The following DLGAP2 variants were observed in gnomAD, a reference collection of about 807,000 sequenced individuals.
DLGAP2 encodes the protein disks large-associated protein 2.
In DLGAP2, 26 loss-of-function variants were observed where a neutral mutation model predicts 100.3. The observed-to-expected ratio is 0.26, with a 90% confidence interval of 0.19 to 0.36. DLGAP2 has a LOEUF of 0.36. DLGAP2 is among the 10% of genes least tolerant of loss of function. The pLI is 1.00. For missense variants in DLGAP2, 1,858 were observed against 1,453.2 expected (o/e 1.28, Z -4.53); for synonymous variants, 886 against 630.1 (o/e 1.41, Z -6.08).
At chr8:1,157,687 TAATA>T (rs1796817270) in intron 2 of DLGAP2, among the ~76,000 whole-genome samples, 1 of 152,130 alleles carries the variant, frequency 6.6e-6, no homozygotes, top group African/African-American at 2.4e-5. Flanking sequence ...ATACAAATAA[TAATA>T]GGCTCTTAAT....
intron 2 of DLGAP2, among the ~76,000 whole-genome samples, chr8:1,170,376 A>G (rs1411052723): frequency 6.6e-6 from 1 of 152,140 alleles, no homozygotes; most frequent in African/African-American, 2.4e-5. Flanking sequence ...AGGCTTTGGT[A>G]TCAGGATGAT....
chr8:1,500,492 G>A (rs952962918), intron 3 of DLGAP2, among the ~76,000 whole-genome samples: 13 of 151,726 alleles, frequency 8.6e-5, no homozygotes, highest in African/African-American at 3.2e-4. Context: ...ATCCAGCTGT[G>A]TCTGCACTGC....
chr8:1,213,709 C>T (rs1386212801), intron 2 of DLGAP2, among the ~76,000 whole-genome samples: 2 of 152,158 alleles, frequency 1.3e-5, no homozygotes, highest in East Asian at 1.9e-4. Flanking sequence ...TATCCAAGGG[C>T]CCTCTCCCAT....
At chr8:1,291,502 G>T (rs796397122) in intron 3 of DLGAP2, among the ~76,000 whole-genome samples, 1 of 152,154 alleles carries the variant, frequency 6.6e-6, no homozygotes, top group African/African-American at 2.4e-5. Context: ...CATATTTCCC[G>T]TGTGGAGGAG....
At chr8:1,005,686 C>G (rs964145242) in intron 2 of DLGAP2, among the ~76,000 whole-genome samples, 1 of 151,810 alleles carries the variant, frequency 6.6e-6, no homozygotes, top group African/African-American at 2.4e-5. Flanking sequence ...TCCCAAAGTG[C>G]TGGTATTACA....
At chr8:1,553,835 C>T (rs534430515) in intron 5 of DLGAP2, among the ~76,000 whole-genome samples, 14 of 152,310 alleles carry the variant, frequency 9.2e-5, no homozygotes, top group Admixed American at 9.1e-4. Context: ...TCAGCTACTG[C>T]ATTTGTGAGG....
At chr8:1,000,742 C>G (rs534534177) in intron 2 of DLGAP2, among the ~76,000 whole-genome samples, 1 of 152,144 alleles carries the variant, frequency 6.6e-6, no homozygotes, top group East Asian at 1.9e-4. Context: ...TACTCAACGT[C>G]GACTGCAGGG....
intron 1 of DLGAP2, among the ~76,000 whole-genome samples, chr8:852,269 C>T (rs942235463): frequency 1.3e-5 from 2 of 152,188 alleles, no homozygotes; most frequent in Non-Finnish European, 1.5e-5. Context: ...TCTCCCTGCA[C>T]GTGGATCTGG....
chr8:1,280,484 T>C (rs1799793812), intron 3 of DLGAP2, among the ~76,000 whole-genome samples: 1 of 152,182 alleles, frequency 6.6e-6, no homozygotes, highest in African/African-American at 2.4e-5. Context: ...AGGTATTTAA[T>C]AGGAGGATTT....
intron 6 of DLGAP2, among the ~76,000 whole-genome samples, chr8:1,577,898 G>A (rs1009752810): frequency 6.6e-6 from 1 of 152,250 alleles, no homozygotes; most frequent in African/African-American, 2.4e-5. Flanking sequence ...CCTCCGAGGT[G>A]CCACTGGCAC....
intron 3 of DLGAP2, among the ~76,000 whole-genome samples, chr8:1,298,135 C>T (rs369443523): frequency 6.7e-6 from 1 of 150,176 alleles, no homozygotes; most frequent in Non-Finnish European, 1.5e-5. Context: ...ACAGACACCA[C>T]GTGAGACAGG....
At chr8:1,061,181 T>G (rs1803070568) in intron 2 of DLGAP2, among the ~76,000 whole-genome samples, 1 of 152,202 alleles carries the variant, frequency 6.6e-6, no homozygotes. Flanking sequence ...GCCTTGTTCG[T>G]GGTGAGCCAT....
intron 2 of DLGAP2, among the ~76,000 whole-genome samples, chr8:990,247 G>C (rs1390383102): frequency 6.6e-6 from 1 of 151,908 alleles, no homozygotes; most frequent in Non-Finnish European, 1.5e-5. Context: ...GTTGCCATGT[G>C]GGTGCCCAAG....
At chr8:1,529,033 A>G (rs538212769) in intron 4 of DLGAP2, among the ~76,000 whole-genome samples, 26 of 152,178 alleles carry the variant, frequency 1.7e-4, no homozygotes, top group Non-Finnish European at 3.1e-4. Context: ...ATCCTTCTGT[A>G]TTAGTCTGTT....
At chr8:1,045,833 C>A (rs1802498184) in intron 2 of DLGAP2, among the ~76,000 whole-genome samples, 1 of 152,164 alleles carries the variant, frequency 6.6e-6, no homozygotes, top group South Asian at 2.1e-4. Flanking sequence ...ATGTGCATTT[C>A]TAGGTGACTC....
chr8:1,267,608 T>A (rs1249513753), intron 3 of DLGAP2, among the ~76,000 whole-genome samples: 1 of 99,034 alleles, frequency 1.0e-5, no homozygotes, highest in African/African-American at 5.8e-5. Context: ...TAAGATAAGA[T>A]AAGATAAGAT....
chr8:1,634,235 A>G (rs996502671), intron 8 of DLGAP2, among the ~76,000 whole-genome samples: 2 of 152,192 alleles, frequency 1.3e-5, no homozygotes, highest in African/African-American at 2.4e-5. Flanking sequence ...AAATTTAAAG[A>G]TTATTTTTCA....
chr8:1,025,557 G>A (rs564005168), intron 2 of DLGAP2, among the ~76,000 whole-genome samples: 4 of 152,274 alleles, frequency 2.6e-5, no homozygotes, highest in South Asian at 2.1e-4. Flanking sequence ...TTAAGTGATC[G>A]ATATGGCGGA....
chr8:1,037,695 A>G (rs1029117992), intron 2 of DLGAP2, among the ~76,000 whole-genome samples: 3 of 152,220 alleles, frequency 2.0e-5, no homozygotes, highest in Admixed American at 6.5e-5. Flanking sequence ...ATCGGGAAGA[A>G]GTTTAACCAA....
Sources: allele counts gnomAD v4.1 joint callset (sites outside exome capture counted in the v4.1 genomes callset), GRCh38; gene constraint gnomAD v4.1.1; transcripts MANE v1.5; gene names NCBI Gene and HGNC (gene_info 2026-07-23, HGNC 2026-07-21).